FERMT2: variants seen among roughly 807,000 people sequenced by gnomAD.
The protein encoded by FERMT2 is FERM domain containing kindlin 2.
In FERMT2, 15 loss-of-function variants were observed where a neutral mutation model predicts 82.7. The ratio of observed to expected loss-of-function variants is 0.18; its 90% CI spans 0.12 to 0.28. FERMT2 has a LOEUF of 0.28. Among genes scored for constraint, FERMT2 ranks in the 10% least tolerant of loss-of-function variants. The pLI is 1.00. For missense variants in FERMT2, 645 were observed against 809.4 expected, an observed-to-expected ratio of 0.80 and a Z score of 2.46; for synonymous variants, 274 against 271.5, an observed-to-expected ratio of 1.01 and a Z score of -0.09.
intron 3 of FERMT2, among the ~76,000 whole-genome samples, chr14:52,906,342 T>G (rs1015408914): frequency 6.6e-6 from 1 of 152,098 alleles, no homozygotes; most frequent in East Asian, 1.9e-4. Flanking sequence ...CTGAGAAGAA[T>G]CCCCAGAAGA....
Position 52,861,050 on chromosome 14 carries a change from C to T in FERMT2, c.1603-585G>A, listed in dbSNP as rs768687328. ...TATAGCCTGGCTGTAGATGGCAATG[C>T]GAGGAAAGAAAAAGGAAGCAGAAAG... On this transcript the variant is annotated intron_variant, in intron 12 of 14. Coordinates refer to ENST00000341590, the MANE Select transcript of FERMT2 (RefSeq NM_006832.3). The T allele has an allele frequency of 6.1e-5, 90 of 1,474,054 alleles. 2 individuals carry two copies. In the South Asian group the frequency reaches 1.0e-3, roughly 16 times the overall value. The allele number at this position is 1,474,054 out of a possible 1,614,324, so 91.3% of individuals were successfully genotyped here.
chr14:52,923,738 C>G (rs1372596580), intron 2 of FERMT2, among the ~76,000 whole-genome samples: 2 of 151,916 alleles, frequency 1.3e-5, no homozygotes, highest in African/African-American at 2.4e-5. Flanking sequence ...ACTGGCAACG[C>G]TGGTAAAACT....
chr14:52,881,328 A>G lies in FERMT2; in HGVS notation c.668T>C (p.Val223Ala). 1 of 1,614,130 alleles carries G rather than the reference A, an allele frequency of 6.2e-7. No homozygotes were observed. Among genetic ancestry groups the G allele is most frequent in the African/African-American group, 1.3e-5 (1 of 75,036 alleles). The change falls in exon 5 of 15, where the codon GTC becomes GCC. Residue 223 changes from valine (V) to alanine (A), a missense_variant. Coordinates refer to ENST00000341590, the MANE Select transcript of FERMT2 (RefSeq NM_006832.3). ...TTCTGGTGACGTGATTGGTTGACTG[A>G]CAGCAAGTATACCAGGATTGCCTTC... Reference protein sequence around the residue: ...LSEGNPGILAVSQPITSPEIL... With the variant: ...LSEGNPGILAASQPITSPEIL...
intron 4 of FERMT2, among the ~76,000 whole-genome samples, chr14:52,888,521 T>G (rs1886740305): frequency 6.6e-6 from 1 of 152,250 alleles, no homozygotes; most frequent in South Asian, 2.1e-4. Flanking sequence ...ATGCTTCCAA[T>G]TCTACCAGTA....
chr14:52,860,675 T>A (rs1215266082), intron 12 of FERMT2: 3 of 575,874 alleles, frequency 5.2e-6, no homozygotes, highest in East Asian at 6.0e-5. Flanking sequence ...AGTTTTCATA[T>A]ATCAACAAAA....
intron 9 of FERMT2, 128 bp from the exon 10 acceptor site, chr14:52,873,051 T>C (rs1258530280): frequency 3.3e-5 from 28 of 841,040 alleles, no homozygotes; most frequent in Non-Finnish European, 4.9e-5. Flanking sequence ...TTGATCCCCC[T>C]TGGTCAGCGT....
At chr14:52,939,487 C>G (rs1889999443) in intron 2 of FERMT2, among the ~76,000 whole-genome samples, 1 of 152,010 alleles carries the variant, frequency 6.6e-6, no homozygotes, top group Non-Finnish European at 1.5e-5. Flanking sequence ...TCTACAAACA[C>G]TAAAATAGCT....
chr14:52,943,434 T>C (rs1443511186), intron 2 of FERMT2, among the ~76,000 whole-genome samples: 1 of 152,108 alleles, frequency 6.6e-6, no homozygotes. Context: ...CTGTTCTGTA[T>C]ATCAAAGGAG....
intron 3 of FERMT2, among the ~76,000 whole-genome samples, chr14:52,915,518 G>A (rs1216852912): frequency 2.0e-5 from 3 of 151,950 alleles, no homozygotes; most frequent in Admixed American, 6.6e-5. Context: ...TTATGCTTAT[G>A]TGGAGAAATA....
chr14:52,908,673 G>C (rs1353432973), intron 3 of FERMT2, among the ~76,000 whole-genome samples: 1 of 152,184 alleles, frequency 6.6e-6, no homozygotes, highest in Non-Finnish European at 1.5e-5. Flanking sequence ...TGCCAGCAGA[G>C]GGGCATCAGG....
chr14:52,904,347 C>A (rs1002222984), intron 3 of FERMT2, among the ~76,000 whole-genome samples: 5 of 152,184 alleles, frequency 3.3e-5, no homozygotes, highest in African/African-American at 1.2e-4. Context: ...TGAAACCACG[C>A]CTCCACTAAA....
chr14:52,858,452 G>C lies in FERMT2; in HGVS notation c.1968C>G (p.Leu656=). 1.9e-6 allele frequency: 3 copies of C among 1,614,094 alleles called. No individual in the cohort carries two copies. The highest frequency in any genetic ancestry group is 1.1e-5 in the South Asian group (1 of 91,084). Residue 656 remains leucine, a synonymous_variant, in exon 15 of 15, where the codon CTC becomes CTG. Transcript: ENST00000341590. ...VHEFIGGYIF[L]STRAKDQNES... is the part of the protein sequence containing the mutation. ...CGTTTTGGTCTTTTGCACGTGTTGA[G>C]AGAAATATGTAGCCACCAATGAATT...
chr14:52,943,450 G>C (rs1180633338), intron 2 of FERMT2, among the ~76,000 whole-genome samples: 1 of 152,088 alleles, frequency 6.6e-6, no homozygotes, highest in Non-Finnish European at 1.5e-5. Flanking sequence ...AGGAGATTAA[G>C]AGGCCCTTTC....
chr14:52,893,092 G>A (rs980207237), intron 4 of FERMT2, among the ~76,000 whole-genome samples: 2 of 152,192 alleles, frequency 1.3e-5, no homozygotes, highest in Non-Finnish European at 2.9e-5. Context: ...TGCCTCCCGG[G>A]TTCAAGCGAT....
At chr14:52,881,605 T>C (rs1027349456) in intron 4 of FERMT2, 136 bp from the exon 5 acceptor site, 1 of 838,684 alleles carries the variant, frequency 1.2e-6, no homozygotes, top group Non-Finnish European at 1.8e-6. Context: ...TATATTATTT[T>C]ACCTGTTATG....
chr14:52,934,996 G>C (rs1183921724), intron 2 of FERMT2, among the ~76,000 whole-genome samples: 1 of 152,174 alleles, frequency 6.6e-6, no homozygotes, highest in Non-Finnish European at 1.5e-5. Context: ...ATAGTGCTTT[G>C]TGGACTGAAG....
intron 3 of FERMT2, among the ~76,000 whole-genome samples, chr14:52,893,991 G>T (rs1207894085): frequency 6.6e-6 from 1 of 152,040 alleles, no homozygotes; most frequent in Non-Finnish European, 1.5e-5. Context: ...ACCACGCCTG[G>T]CTAATTTTGT....
At chr14:52,909,167 C>T (rs893065213) in intron 3 of FERMT2, among the ~76,000 whole-genome samples, 9 of 152,300 alleles carry the variant, frequency 5.9e-5, no homozygotes, top group Admixed American at 5.2e-4. Context: ...CTGAATGCAG[C>T]TCTAGGTTGA....
chr14:52,934,064 T>G (rs1236972684), intron 2 of FERMT2, among the ~76,000 whole-genome samples: 1 of 152,228 alleles, frequency 6.6e-6, no homozygotes, highest in Non-Finnish European at 1.5e-5. Context: ...AATTCATTTA[T>G]GTAACTAATT....
Sources: allele counts gnomAD v4.1 joint callset (sites outside exome capture counted in the v4.1 genomes callset), GRCh38; gene constraint gnomAD v4.1.1; transcripts MANE v1.5; gene names NCBI Gene and HGNC (gene_info 2026-07-23, HGNC 2026-07-21).